MIEF1: variants seen among roughly 807,000 people sequenced by gnomAD.
MIEF1 encodes the protein mitochondrial dynamics protein MIEF1.
Under a neutral mutation model 35.1 loss-of-function variants are expected in MIEF1, and 14 were observed. The observed-to-expected ratio is 0.40, with a 90% CI of 0.26 to 0.62. MIEF1 has a LOEUF of 0.62. MIEF1 is among the 20% of genes least tolerant of loss of function. The probability of loss-of-function intolerance (pLI) is 0.43; values close to 1 mark genes in which losing one functional copy is unlikely to be tolerated. For synonymous variants in MIEF1, 245 were observed against 254.3 expected (o/e 0.96, Z 0.35); for missense variants, 542 against 615.4 (o/e 0.88, Z 1.26).
At chr22:39,511,198 G>C in intron 2 of MIEF1, 90 bp from the exon 3 acceptor site, 1 of 1,543,452 alleles carries the variant, frequency 6.5e-7, no homozygotes, top group Non-Finnish European at 8.8e-7. Context: ...AACTCACAGA[G>C]TACCCTGTAC....
At position 39,514,146 on chromosome 22, in the gene MIEF1, C is replaced by T. The variant is rs182879882; in HGVS notation, c.1215C>T (p.Ala405=). 1.1e-5 allele frequency: 17 copies of T among 1,614,172 alleles called. No homozygotes were observed. The highest frequency in any genetic ancestry group is 1.6e-4 in the Middle Eastern group (1 of 6,062). ...CTGACTGGTCTCCGGATATGCTGGC[C>T]GACCGTTTCCTGCAGGCCTTGAGGG... ...EEADWSPDML[A]DRFLQALRGL... is the part of the protein sequence containing the mutation. Residue 405 remains alanine (A), a synonymous_variant, in exon 6 of 6, where the codon GCC becomes GCT. Coordinates refer to ENST00000325301, the MANE Select transcript of MIEF1 (RefSeq NM_019008.6).
intron 2 of MIEF1, among the ~76,000 whole-genome samples, chr22:39,507,564 G>T (rs1930108693): frequency 6.6e-6 from 1 of 151,150 alleles, no homozygotes; most frequent in Admixed American, 6.6e-5. Context: ...TAACAAGCTG[G>T]CCCAACTTAA....
chr22:39,511,665 C>G (rs935939098), intron 3 of MIEF1, among the ~76,000 whole-genome samples, 184 bp from the exon 4 acceptor site: 1 of 152,228 alleles, frequency 6.6e-6, no homozygotes, highest in African/African-American at 2.4e-5. Context: ...CGTGGATTAT[C>G]TATGTCTTAT....
Position 39,517,345 on chromosome 22 carries a change from G to T in MIEF1, c.*3022G>T, listed in dbSNP as rs879434697. On this transcript the variant is annotated 3_prime_UTR_variant, in exon 6 of 6. Transcript: ENST00000325301. The stretch of plus-strand genomic sequence containing the variant: ...GACAGTATTTTTCTTTACATGCTTG[G>T]TTATGACTTTTAAAGTTTTATTTAA... 1.2e-5 allele frequency: 3 copies of T among 260,326 alleles called. No individual in the cohort carries two copies. The highest frequency in any genetic ancestry group is 2.4e-5 in the Non-Finnish European group (3 of 126,698). 16.1% of individuals were successfully genotyped at this position (260,326 alleles called of 1,614,324 possible).
In MIEF1 at chr22:39,511,375, C is replaced by G. The variant is rs867045175; in HGVS notation, c.81C>G (p.Ala27=). The part of the protein sequence containing the change: ...GTAIDFVLSN[A]RLVLGVGGAA... The stretch of plus-strand genomic sequence containing the variant: ...CCATTGACTTTGTGCTCTCCAATGC[C>G]CGGCTGGTGCTGGGGGTGGGTGGAG... Residue 27 remains alanine, a synonymous_variant, in exon 3 of 6, where the codon GCC becomes GCG. Transcript: ENST00000325301. The G allele has an allele frequency of 3.7e-6, 6 of 1,611,698 alleles. No homozygotes were observed. The Middle Eastern group carries it at 9.9e-4, about 266-fold the overall frequency.
At chr22:39,512,068 T>G in intron 4 of MIEF1, 42 bp downstream of exon 4, 1 of 1,592,658 alleles carries the variant, frequency 6.3e-7, no homozygotes, top group South Asian at 1.1e-5. Context: ...CTCTGGACTT[T>G]CAGTACCACT....
At chr22:39,503,292 G>GACCCCT (rs1929847788) in intron 1 of MIEF1, 1 of 152,168 alleles carries the variant, frequency 6.6e-6, no homozygotes, top group African/African-American at 2.4e-5. Context: ...GGGTAATGTT[G>GACCCCT]ACCCCTAGGG....
At chr22:39,507,537 A>G (rs372897423) in intron 2 of MIEF1, among the ~76,000 whole-genome samples, 147 of 149,718 alleles carry the variant, frequency 9.8e-4, no homozygotes, top group Middle Eastern at 3.4e-3. Context: ...GAGCCACCGT[A>G]CCCGGCCGAA....
At chr22:39,507,454 C>T (rs1050688277) in intron 2 of MIEF1, among the ~76,000 whole-genome samples, 9 of 151,798 alleles carry the variant, frequency 5.9e-5, no homozygotes, top group Non-Finnish European at 7.4e-5. Flanking sequence ...ACCGTGTTAG[C>T]CAGGATGGTC....
chr22:39,513,509 C>G lies in MIEF1; in HGVS notation c.586-8C>G. 1 of 1,612,404 alleles carries G rather than the reference C, an allele frequency of 6.2e-7. No homozygotes were observed. The highest frequency in any genetic ancestry group is 1.1e-5 in the South Asian group (1 of 91,034). On this transcript the variant is annotated splice_region_variant and splice_polypyrimidine_tract_variant and intron_variant, in intron 5 of 5. Transcript: ENST00000325301. ...ACCCTCAAAACCCTTTAAATTCTGC[C>G]CTGACAGGTGGTGACAGCTGACCAC... is the stretch of plus-strand genomic sequence containing the variant.
intron 4 of MIEF1, 77 bp from the exon 5 acceptor site, chr22:39,512,152 CCTT>C: frequency 1.3e-6 from 2 of 1,564,222 alleles, no homozygotes; most frequent in Non-Finnish European, 1.7e-6. Flanking sequence ...CATGCCAGGC[CCTT>C]CTTTCTGGGG....
upstream of MIEF1, among the ~76,000 whole-genome samples, chr22:39,501,463 C>A (rs1428586267): frequency 6.6e-6 from 1 of 152,248 alleles, no homozygotes; most frequent in African/African-American, 2.4e-5. Context: ...GGAACTGGAA[C>A]TAGGAGCCAG....
chr22:39,513,824 T>G lies in MIEF1; in HGVS notation c.893T>G (p.Leu298Arg). ...GCCCCACCCCCAGAAGCCCTCACACTGGAGGTGCAGTATGAGCGTGACAAA... is the reference window on the plus strand; with the variant it reads ...GCCCCACCCCCAGAAGCCCTCACACGGGAGGTGCAGTATGAGCGTGACAAA... ...RPAPPPEALT[L>R]EVQYERDKHL... is the part of the protein sequence containing the mutation. Residue 298 changes from leucine (L) to arginine (R), a missense_variant, in exon 6 of 6, where the codon CTG becomes CGG. Transcript: ENST00000325301. The G allele has an allele frequency of 6.2e-7, 1 of 1,614,100 alleles. No homozygotes were observed. Among genetic ancestry groups the G allele is most frequent in the Non-Finnish European group, 8.5e-7 (1 of 1,180,026 alleles).
At position 39,511,999 on chromosome 22, in the gene MIEF1, C is replaced by T. The variant is rs759964714; in HGVS notation, c.295C>T (p.Pro99Ser). The T allele has an allele frequency of 3.1e-6, 5 of 1,613,576 alleles. No individual in the cohort carries two copies. The South Asian group carries it at 3.3e-5, about 11-fold the overall frequency. Residue 99 changes from proline to serine, a missense_variant, in exon 4 of 6, where the codon CCC (proline) becomes TCC (serine). Physicochemically the swap from Pro to Ser is moderately conservative, Grantham distance 74. Coordinates refer to ENST00000325301, the MANE Select transcript of MIEF1 (RefSeq NM_019008.6). ...CCTGAGCCGGTCCTTGCAGACCCTT[C>T]CCACAGACTCCTCCACCTTCGACAC... Reference protein sequence around the residue: ...TGLSRSLQTLPTDSSTFDTDT... With the variant: ...TGLSRSLQTLSTDSSTFDTDT...
rs968035735 is a variant in MIEF1, at chr22:39,515,340, A to G, written c.*1017A>G. On this transcript the variant is annotated 3_prime_UTR_variant, in exon 6 of 6. Coordinates refer to ENST00000325301, the MANE Select transcript of MIEF1 (RefSeq NM_019008.6). ...AGTCACTAGTTGGGGTTTGGTGGCCATGTTTTCTACCCAGACAGGCCCTGC... is the reference window on the plus strand; with the variant it reads ...AGTCACTAGTTGGGGTTTGGTGGCCGTGTTTTCTACCCAGACAGGCCCTGC... The G allele has an allele frequency of 1.3e-5, 9 of 717,590 alleles. No homozygotes were observed. Among genetic ancestry groups the G allele is most frequent in the African/African-American group, 7.0e-5 (4 of 57,272 alleles). The allele number at this position is 717,590 out of a possible 1,614,324, so 44.5% of individuals were successfully genotyped here. A position where few individuals can be genotyped will look rare whatever the true frequency, so the allele number is the denominator to read the frequency against.
chr22:39,512,679 C>G (rs932979172), intron 5 of MIEF1, among the ~76,000 whole-genome samples, 185 bp downstream of exon 5: 4 of 152,050 alleles, frequency 2.6e-5, no homozygotes, highest in African/African-American at 9.7e-5. Flanking sequence ...CGGAGTCTCA[C>G]TCTGTCGCCC....
rs1930316332 is a variant in MIEF1, at chr22:39,511,293, C to T, written c.-2C>T. Reference sequence around the variant, plus strand: ...TGTTCTGTCTTCATTCTCAGATGAGCAATGGCAGGCGCTGGTGAGCGCAAA... The same window carrying T: ...TGTTCTGTCTTCATTCTCAGATGAGTAATGGCAGGCGCTGGTGAGCGCAAA... On this transcript the variant is annotated 5_prime_UTR_variant, in exon 3 of 6. Transcript: ENST00000325301. 2 of 1,613,598 alleles carry T rather than the reference C, an allele frequency of 1.2e-6. No individual in the cohort carries two copies. The highest frequency in any genetic ancestry group is 1.7e-6 in the Non-Finnish European group (2 of 1,179,846).
upstream of MIEF1, among the ~76,000 whole-genome samples, chr22:39,500,897 T>C (rs1262895633): frequency 6.6e-6 from 1 of 152,074 alleles, no homozygotes; most frequent in Non-Finnish European, 1.5e-5. Context: ...GGTTTCACCA[T>C]GTTGGTCAGG....
chr22:39,503,560 T>C (rs1379565610), intron 1 of MIEF1: 1 of 152,256 alleles, frequency 6.6e-6, no homozygotes, highest in Non-Finnish European at 1.5e-5. Context: ...GGCTAGGTGC[T>C]ACTAATAATA....
Sources: gnomAD v4.1 joint callset for allele counts (sites outside exome capture counted in the v4.1 genomes callset) on GRCh38, gnomAD v4.1.1 for gene constraint, MANE v1.5 for transcripts, NCBI Gene and HGNC (gene_info 2026-07-23, HGNC 2026-07-21) for gene names.